Variants in GRM6 observed in about 807,000 individuals in gnomAD.
The protein encoded by GRM6 is glutamate metabotropic receptor 6, also known as metabotropic glutamate receptor 6.
In GRM6, 73 loss-of-function variants were observed where a neutral mutation model predicts 78.4. The ratio of observed to expected loss-of-function variants is 0.93; its 90% confidence interval spans 0.77 to 1.13. GRM6 has a LOEUF of 1.13. Ranked by LOEUF, GRM6 falls within the 50% of genes most tolerant of loss-of-function variation. The pLI, the probability that GRM6 is intolerant of heterozygous loss-of-function variation, is 0.00. For missense variants in GRM6, 1,251 were observed against 1,256.4 expected, an observed-to-expected ratio of 1.00 and a Z score of 0.07; for synonymous variants, 580 against 555.0, an observed-to-expected ratio of 1.05 and a Z score of -0.63.
chr5:178,989,211 A>AGCCCCCC, intron 6 of GRM6, 54 bp downstream of exon 6: 4 of 121,670 alleles, frequency 3.3e-5, no homozygotes, highest in Non-Finnish European at 5.3e-5. Context: ...CCCCCTCCCC[A>AGCCCCCC]CCCTCACCAC....
rs10656882 is a variant in GRM6 at position 178,992,914 on chromosome 5, G to GGA, written c.505-833_505-832dup. 5.8e-3 allele frequency among the ~76,000 whole-genome samples: 877 copies of GGA among 150,950 alleles called. 12 individuals carry two copies. The highest frequency in any genetic ancestry group is 0.019 in the African/African-American group (798 of 41,080). On this transcript the variant is annotated intron_variant, in intron 2 of 10. Coordinates refer to ENST00000517717, the MANE Select transcript of GRM6 (RefSeq NM_000843.4). This position sits in a 1 kb window ranked among gnomAD's most constrained non-coding sequence, Gnocchi z 4.9. ...CTGGAGAGAAACAAGAAGGAGAGAG[G>GGA]GAGAGAGAGAGAGAGAAACAACTGA...
intron 7 of GRM6, chr5:178,987,211 C>T (rs1176564055): frequency 8.9e-6 from 6 of 674,274 alleles, no homozygotes; most frequent in Non-Finnish European, 1.6e-5. Context: ...AGTCGGAACC[C>T]TTGTGCACGG....
intron 2 of GRM6, 37 bp downstream of exon 2, chr5:178,994,404 G>T: frequency 6.8e-7 from 1 of 1,470,658 alleles, no homozygotes; most frequent in South Asian, 1.3e-5. Flanking sequence ...GACGGGAGAG[G>T]GACGCTGGAC....
chr5:178,985,863 G>A (rs1176048420), intron 9 of GRM6: 1 of 550,430 alleles, frequency 1.8e-6, no homozygotes, highest in Non-Finnish European at 3.3e-6. Context: ...TTGGGCTCAA[G>A]CGATCCTCCT....
chr5:178,994,952 T>C lies in GRM6; in HGVS notation c.-8A>G. The stretch of plus-strand genomic sequence containing the variant: ...TCTCCGGGGCCGCGCCATCGGCTCG[T>C]CTAGCGGGCTGCGGGGAGACAGAGG... On this transcript the variant is annotated 5_prime_UTR_variant, in exon 2 of 11. Coordinates refer to ENST00000517717, the MANE Select transcript of GRM6 (RefSeq NM_000843.4). The C allele has an allele frequency of 8.6e-7, 1 of 1,165,916 alleles. No individual in the cohort carries two copies. The highest frequency in any genetic ancestry group is 1.1e-6 in the Non-Finnish European group (1 of 945,526). The allele number at this position is 1,165,916 out of a possible 1,614,324, so 72.2% of individuals were successfully genotyped here.
intron 9 of GRM6, 198 bp from the exon 10 acceptor site, chr5:178,983,419 G>T: frequency 1.4e-6 from 1 of 704,240 alleles, no homozygotes; most frequent in Non-Finnish European, 2.6e-6. Context: ...GCCCAAGAGG[G>T]GTCCGTCCAA....
At chr5:178,987,935 T>A (rs1469679051) in intron 7 of GRM6, among the ~76,000 whole-genome samples, 5 of 147,080 alleles carry the variant, frequency 3.4e-5, no homozygotes, top group African/African-American at 1.0e-4. Flanking sequence ...AATTTTTGTA[T>A]TTTTAGTAGA....
chr5:178,994,965 G>C lies in GRM6; in HGVS notation c.-16-5C>G. 8.6e-7 allele frequency: 1 copy of C among 1,157,624 alleles called. No homozygotes were observed. Among genetic ancestry groups the C allele is most frequent in the Non-Finnish European group, 1.1e-6 (1 of 939,572 alleles). The allele number at this position is 1,157,624 out of a possible 1,614,324, so 71.7% of individuals were successfully genotyped here. A position where few individuals can be genotyped will look rare whatever the true frequency, so the allele number is the denominator to read the frequency against. On this transcript the variant is annotated splice_polypyrimidine_tract_variant and splice_region_variant and intron_variant, in intron 1 of 10. Transcript: ENST00000517717. Reference sequence around the variant, plus strand: ...GCCATCGGCTCGTCTAGCGGGCTGCGGGGAGACAGAGGGGCGGGGAGCGCT... The same window carrying C: ...GCCATCGGCTCGTCTAGCGGGCTGCCGGGAGACAGAGGGGCGGGGAGCGCT...
chr5:178,990,256 A>G lies in GRM6; in HGVS notation c.1012+336T>C, dbSNP rs142969459. On this transcript the variant is annotated intron_variant, in intron 5 of 10. Transcript: ENST00000517717. ...TCATCACTCTGATCACCAGGATGGT[A>G]TATTCCGTATCCTTGGTTTCTCTCC... is the stretch of plus-strand genomic sequence containing the variant. The G allele has an allele frequency of 1.4e-3, 517 of 368,002 alleles. 4 individuals are homozygous for G. Among genetic ancestry groups the G allele is most frequent in the African/African-American group, 9.8e-3 (469 of 47,846 alleles). 22.8% of individuals were successfully genotyped at this position (368,002 alleles called of 1,614,324 possible).
rs373797677 is a variant in GRM6, at chr5:178,993,517, A to T, written c.504+924T>A. Among the ~76,000 whole-genome samples, 9 of 152,280 alleles carry T rather than the reference A, an allele frequency of 5.9e-5. No individual in the cohort carries two copies. In the East Asian group the frequency reaches 1.7e-3, roughly 29 times the overall value. ...GGGAGCGGCCCCGCACGCCTGGAACAAACACAGACGCTGCGCCCGGGAGTC... is the reference window on the plus strand; with the variant it reads ...GGGAGCGGCCCCGCACGCCTGGAACTAACACAGACGCTGCGCCCGGGAGTC... On this transcript the variant is annotated intron_variant, in intron 2 of 10. Coordinates refer to ENST00000517717, the MANE Select transcript of GRM6 (RefSeq NM_000843.4).
chr5:178,985,377 G>T, intron 9 of GRM6: 1 of 390,688 alleles, frequency 2.6e-6, no homozygotes, highest in Non-Finnish European at 5.0e-6. Flanking sequence ...TGTCACAGGA[G>T]GGGAGGGGCT....
chr5:178,991,770 A>G lies in GRM6; in HGVS notation c.721+97T>C, dbSNP rs779248482. 2 of 1,201,900 alleles carry G rather than the reference A, an allele frequency of 1.7e-6. No homozygotes were observed. The highest frequency in any genetic ancestry group is 1.3e-5 in the South Asian group (1 of 79,896). The allele number at this position is 1,201,900 out of a possible 1,614,324, so 74.5% of individuals were successfully genotyped here. A position where few individuals can be genotyped will look rare whatever the true frequency, so the allele number is the denominator to read the frequency against. On this transcript the variant is annotated intron_variant, in intron 3 of 10. Coordinates refer to ENST00000517717, the MANE Select transcript of GRM6 (RefSeq NM_000843.4). This position sits in a 1 kb window ranked among gnomAD's most constrained non-coding sequence, Gnocchi z 5.0. ...ACCAGCCAGGCAACCTCGGCCCAGC[A>G]TGGACCTGGGCCCCCCATCTTTCTG...
Position 178,988,981 on chromosome 5 carries a change from A to G in GRM6, c.1308T>C (p.Thr436=), listed in dbSNP as rs4701014. The stretch of plus-strand genomic sequence containing the variant: ...TGTACTGCAGAAGCATCCGCCCATC[A>G]GTGGGTTCCATCGCCGGGCACAGGC... ...HTGLCPAMEP[T]DGRMLLQYIR... The change falls in exon 7 of 11, where the codon ACT becomes ACC. Residue 436 remains threonine, a synonymous_variant. Transcript: ENST00000517717. This position sits in a 1 kb window ranked among gnomAD's most constrained non-coding sequence, Gnocchi z 6.0. The G allele has an allele frequency of 1, 1,609,548 of 1,614,002 alleles. 802,671 individuals are homozygous for G. Among genetic ancestry groups the G allele is most frequent in the Non-Finnish European group, 1 (1,179,950 of 1,180,000 alleles).
chr5:178,981,766 A>G lies in GRM6; in HGVS notation c.2525T>C (p.Val842Ala), dbSNP rs972036274. The G allele has an allele frequency of 2.5e-6, 4 of 1,613,330 alleles. No homozygotes were observed. The Admixed American group carries it at 5.0e-5, about 20-fold the overall frequency. The change falls in exon 11 of 11, where the codon GTC becomes GCC. Residue 842 changes from valine (V) to alanine (A), a missense_variant. Val to Ala is a moderately conservative substitution (Grantham distance 64). Coordinates refer to ENST00000517717, the MANE Select transcript of GRM6 (RefSeq NM_000843.4). The surrounding 1 kb of genome is among the most constrained non-coding windows in gnomAD (Gnocchi z 5.1). ...ATTCTGCTCTGGATGGAAGAGGATGACGTAGGTTTTGGGTACGTAGAGCAT... is the reference window on the plus strand; with the variant it reads ...ATTCTGCTCTGGATGGAAGAGGATGGCGTAGGTTTTGGGTACGTAGAGCAT... ...LGMLYVPKTY[V>A]ILFHPEQNVQ...
At chr5:178,989,217 A>ATG in intron 6 of GRM6, 48 bp downstream of exon 6, 1 of 954,826 alleles carries the variant, frequency 1.0e-6, no homozygotes, top group Non-Finnish European at 1.5e-6. Flanking sequence ...CCCCACCCTC[A>ATG]CCACCCTCCC....
intron 9 of GRM6, chr5:178,985,567 G>C (rs547621346): frequency 2.9e-6 from 1 of 339,082 alleles, no homozygotes; most frequent in African/African-American, 2.2e-5. Context: ...GCCGGGCGTG[G>C]TGGCGGGCGC....
At chr5:178,982,476 G>A (rs1760413151) in intron 10 of GRM6, among the ~76,000 whole-genome samples, 1 of 150,572 alleles carries the variant, frequency 6.6e-6, no homozygotes, top group South Asian at 2.1e-4. Context: ...TACGGGGGAG[G>A]CTGAGGCTGG....
chr5:178,991,340 G>T lies in GRM6; in HGVS notation c.857+84C>A. On this transcript the variant is annotated intron_variant, in intron 4 of 10. Transcript: ENST00000517717. The surrounding 1 kb of genome is among the most constrained non-coding windows in gnomAD (Gnocchi z 5.0). ...AGCAGGGGAAAGGGAGGCAGGGAGA[G>T]TGTGTAAGGTGGCGATGTGCAAGAG... is the stretch of plus-strand genomic sequence containing the variant. 7.9e-7 allele frequency: 1 copy of T among 1,259,050 alleles called. No homozygotes were observed. The highest frequency in any genetic ancestry group is 1.2e-6 in the Non-Finnish European group (1 of 860,914). 78.0% of individuals were successfully genotyped at this position (1,259,050 alleles called of 1,614,324 possible).
In GRM6 at chr5:178,988,852, C is replaced by T; in HGVS notation, c.1354+83G>A. The T allele has an allele frequency of 1.7e-6, 2 of 1,154,692 alleles. No homozygotes were observed. The allele number at this position is 1,154,692 out of a possible 1,614,324, so 71.5% of individuals were successfully genotyped here. ...CACTCAGCCTCACCCAGCCCTTCCA[C>T]CCTGAGGTTGTCCCAGGCCTCACAG... On this transcript the variant is annotated intron_variant, in intron 7 of 10. Coordinates refer to ENST00000517717, the MANE Select transcript of GRM6 (RefSeq NM_000843.4). The surrounding 1 kb of genome is among the most constrained non-coding windows in gnomAD (Gnocchi z 6.0).
Sources: allele counts gnomAD v4.1 joint callset (sites outside exome capture counted in the v4.1 genomes callset), GRCh38; gene constraint gnomAD v4.1.1; non-coding constraint Gnocchi (gnomAD v3.1); transcripts MANE v1.5; gene names NCBI Gene and HGNC (gene_info 2026-07-23, HGNC 2026-07-21).